The following AGBL4 variants were observed in gnomAD, a reference collection of about 807,000 sequenced individuals.
AGBL4 encodes the protein AGBL carboxypeptidase 4.
In AGBL4, 58 loss-of-function variants were observed where a neutral mutation model predicts 66.4. That is an observed-to-expected ratio of 0.87 (90% CI 0.71 to 1.09). AGBL4 has a LOEUF of 1.09. Among genes scored for constraint, AGBL4 ranks in the 50% least tolerant of loss-of-function variants. The pLI is 0.00. For synonymous variants in AGBL4, 234 were observed against 222.9 expected (o/e 1.05, Z -0.44); for missense variants, 579 against 631.0 (o/e 0.92, Z 0.88).
intron 6 of AGBL4, among the ~76,000 whole-genome samples, chr1:48,679,725 G>A (rs113391400): frequency 2.8e-4 from 43 of 152,304 alleles, no homozygotes; most frequent in African/African-American, 1.0e-3. Flanking sequence ...TATTCCAGAG[G>A]TGGTTGTGAC....
intron 1 of AGBL4, among the ~76,000 whole-genome samples, chr1:49,992,622 T>C (rs147420739): frequency 6.6e-6 from 1 of 152,136 alleles, no homozygotes; most frequent in Non-Finnish European, 1.5e-5. Flanking sequence ...TCCTTCTGCC[T>C]ACCTTTCAAT....
intron 3 of AGBL4, among the ~76,000 whole-genome samples, chr1:49,259,554 C>T (rs1363059058): frequency 1.4e-5 from 2 of 141,962 alleles, no homozygotes; most frequent in Non-Finnish European, 3.1e-5. Context: ...TCAAAAGAGA[C>T]AAAGAAGGCC....
At chr1:48,919,566 G>A (rs886900817) in intron 5 of AGBL4, among the ~76,000 whole-genome samples, 56 of 152,188 alleles carry the variant, frequency 3.7e-4, no homozygotes, top group Non-Finnish European at 2.1e-4. Flanking sequence ...ACAGGTCAAA[G>A]AAAGAAAGTC....
At chr1:49,218,558 C>T (rs1016148422) in intron 4 of AGBL4, among the ~76,000 whole-genome samples, 3 of 152,044 alleles carry the variant, frequency 2.0e-5, no homozygotes, top group African/African-American at 7.2e-5. Flanking sequence ...CTTTTGGGTG[C>T]AAGTCATTTT....
chr1:49,948,460 G>GATAAATATATAAATATAT (rs1557609791), intron 1 of AGBL4, among the ~76,000 whole-genome samples: 1 of 97,298 alleles, frequency 1.0e-5, no homozygotes, highest in Non-Finnish European at 1.9e-5. Flanking sequence ...TATAAATATA[G>GATAAATATATAAATATAT]ATAAATATAT....
At chr1:48,834,168 C>A (rs1215373561) in intron 6 of AGBL4, among the ~76,000 whole-genome samples, 1 of 152,152 alleles carries the variant, frequency 6.6e-6, no homozygotes, top group Non-Finnish European at 1.5e-5. Context: ...TCTGGAAGCA[C>A]ATAACATATG....
At chr1:48,907,894 GC>G (rs1172071849) in intron 5 of AGBL4, among the ~76,000 whole-genome samples, 1 of 152,106 alleles carries the variant, frequency 6.6e-6, no homozygotes, top group Non-Finnish European at 1.5e-5. Context: ...GTATGAGTTT[GC>G]CAGGCCAAGA....
At chr1:49,679,025 G>T (rs1213618404) in intron 3 of AGBL4, among the ~76,000 whole-genome samples, 1 of 152,076 alleles carries the variant, frequency 6.6e-6, no homozygotes, top group African/African-American at 2.4e-5. Flanking sequence ...CTCATATTGG[G>T]TGGAGTGTTC....
intron 2 of AGBL4, among the ~76,000 whole-genome samples, chr1:49,745,396 T>C (rs1321410579): frequency 6.6e-6 from 1 of 152,034 alleles, no homozygotes; most frequent in African/African-American, 2.4e-5. Context: ...TTCTATTTTA[T>C]TATTAGTTAT....
chr1:49,839,570 C>T (rs772005153), intron 2 of AGBL4, among the ~76,000 whole-genome samples: 19 of 152,090 alleles, frequency 1.2e-4, no homozygotes, highest in Non-Finnish European at 1.8e-4. Flanking sequence ...CAATGGGGAG[C>T]CATGACAGAT....
intron 11 of AGBL4, among the ~76,000 whole-genome samples, chr1:48,568,171 C>T (rs368152614): frequency 6.6e-6 from 1 of 152,278 alleles, no homozygotes; most frequent in East Asian, 1.9e-4. Context: ...TCATTCCTCA[C>T]TCAAAATGAC....
chr1:49,504,675 G>A (rs557344960), intron 3 of AGBL4, among the ~76,000 whole-genome samples: 2 of 151,856 alleles, frequency 1.3e-5, no homozygotes, highest in Admixed American at 1.3e-4. Context: ...CTCTCTTTTG[G>A]TTTCCATTTG....
chr1:49,611,405 C>T (rs1463974612), intron 3 of AGBL4, among the ~76,000 whole-genome samples: 6 of 128,350 alleles, frequency 4.7e-5, no homozygotes, highest in South Asian at 5.0e-4. Context: ...GAGATGGAGT[C>T]GCACTCTGTT....
chr1:49,476,291 T>A (rs1033851803), intron 3 of AGBL4, among the ~76,000 whole-genome samples: 1 of 150,880 alleles, frequency 6.6e-6, no homozygotes, highest in Non-Finnish European at 1.5e-5. Context: ...TAATTTCAAT[T>A]GTTTTAAATT....
chr1:48,883,564 C>G (rs895159721), intron 5 of AGBL4, among the ~76,000 whole-genome samples: 1 of 152,144 alleles, frequency 6.6e-6, no homozygotes, highest in Non-Finnish European at 1.5e-5. Flanking sequence ...CATTTTTTAC[C>G]GTGCTTGCAT....
chr1:49,566,373 G>A (rs1030442518), intron 3 of AGBL4, among the ~76,000 whole-genome samples: 15 of 152,224 alleles, frequency 9.9e-5, no homozygotes, highest in East Asian at 9.6e-4. Context: ...GAGGAGAGGC[G>A]CTCTGATTTT....
intron 4 of AGBL4, among the ~76,000 whole-genome samples, chr1:49,144,052 C>G (rs1273603060): frequency 1.3e-5 from 2 of 152,148 alleles, no homozygotes; most frequent in Admixed American, 1.3e-4. Flanking sequence ...CTTGGTTTTC[C>G]TATCTGTAAG....
At chr1:48,785,501 TC>T (rs1390467331) in intron 6 of AGBL4, among the ~76,000 whole-genome samples, 1 of 152,164 alleles carries the variant, frequency 6.6e-6, no homozygotes, top group African/African-American at 2.4e-5. Context: ...GACTGGAACA[TC>T]AATAAAAGCC....
At chr1:48,707,661 A>T (rs868472724) in intron 6 of AGBL4, among the ~76,000 whole-genome samples, 14 of 152,324 alleles carry the variant, frequency 9.2e-5, no homozygotes, top group Middle Eastern at 3.4e-3. Flanking sequence ...TCATTACATA[A>T]GCCCAAGCTC....
Sources: allele counts gnomAD v4.1 joint callset (sites outside exome capture counted in the v4.1 genomes callset), GRCh38; gene constraint gnomAD v4.1.1; transcripts MANE v1.5; gene names NCBI Gene and HGNC (gene_info 2026-07-23, HGNC 2026-07-21).